Variants in PAMR1 observed in about 807,000 individuals in gnomAD.
The protein encoded by PAMR1 is inactive serine protease PAMR1.
In PAMR1, 88 loss-of-function variants were observed where a neutral mutation model predicts 81.8. That is an observed-to-expected ratio of 1.08 (90% confidence interval 0.91 to 1.28). The LOEUF (loss-of-function observed/expected upper bound fraction) is 1.28. PAMR1 is among the 50% of genes most tolerant of loss of function. The pLI is 0.00. For missense variants in PAMR1, 935 were observed against 919.7 expected (o/e 1.02, Z -0.21); for synonymous variants, 336 against 345.3 (o/e 0.97, Z 0.30).
chr11:35,478,303 C>T (rs971433971), intron 3 of PAMR1, among the ~76,000 whole-genome samples: 3 of 152,196 alleles, frequency 2.0e-5, no homozygotes, highest in Non-Finnish European at 4.4e-5. Context: ...CCCAGATGCC[C>T]GATCCCTGGC....
At chr11:35,516,578 G>T (rs753528523) in intron 1 of PAMR1, among the ~76,000 whole-genome samples, 1 of 152,182 alleles carries the variant, frequency 6.6e-6, no homozygotes. Flanking sequence ...GGGAAAAACC[G>T]TGTTGCATGA....
intron 3 of PAMR1, among the ~76,000 whole-genome samples, chr11:35,488,817 C>A (rs1767450429): frequency 6.6e-6 from 1 of 151,958 alleles, no homozygotes; most frequent in Admixed American, 6.6e-5. Flanking sequence ...AAGTAATCCA[C>A]TGCCTTGGCC....
At chr11:35,445,353 C>T (rs960763993) in intron 6 of PAMR1, among the ~76,000 whole-genome samples, 22 of 151,858 alleles carry the variant, frequency 1.4e-4, no homozygotes, top group Middle Eastern at 3.4e-3. Context: ...GCCTGATTGC[C>T]CTGGCCCGAA....
intron 1 of PAMR1, among the ~76,000 whole-genome samples, chr11:35,508,188 A>G (rs1555043498): frequency 6.6e-6 from 1 of 152,202 alleles, no homozygotes; most frequent in Non-Finnish European, 1.5e-5. Context: ...ATCTCTTGTC[A>G]AAGAACCCAA....
intron 5 of PAMR1, 99 bp from the exon 6 acceptor site, chr11:35,468,207 T>C: frequency 1.5e-6 from 1 of 666,028 alleles, no homozygotes. Context: ...TATTAAAGTC[T>C]TCTTGCAATG....
At chr11:35,446,330 A>G (rs1422159341) in intron 6 of PAMR1, among the ~76,000 whole-genome samples, 1 of 152,072 alleles carries the variant, frequency 6.6e-6, no homozygotes, top group African/African-American at 2.4e-5. Flanking sequence ...TTGTGTCTCT[A>G]TCTCCTTCAG....
intron 1 of PAMR1, among the ~76,000 whole-genome samples, chr11:35,500,535 C>T (rs577931055): frequency 6.6e-6 from 1 of 152,292 alleles, no homozygotes; most frequent in African/African-American, 2.4e-5. Context: ...ACAGGGAAAA[C>T]TTAGAATGCT....
upstream of PAMR1, chr11:35,525,747 C>T (rs544716670): frequency 3.2e-5 from 20 of 634,614 alleles, 1 homozygote; most frequent in South Asian, 3.5e-4. Flanking sequence ...AGGGGAACCA[C>T]CTTCAGCCAG....
intron 3 of PAMR1, among the ~76,000 whole-genome samples, chr11:35,487,518 C>G (rs1590366554): frequency 6.6e-6 from 1 of 152,322 alleles, no homozygotes; most frequent in East Asian, 1.9e-4. Context: ...AGCCAACGTC[C>G]TAACTGACTG....
At chr11:35,439,295 A>G (rs644755) in intron 8 of PAMR1, among the ~76,000 whole-genome samples, 109,136 of 152,126 alleles carry the variant, frequency 0.72, 39,514 homozygotes, top group African/African-American at 0.83. Flanking sequence ...CCTAGAAGCT[A>G]CCATAACAAG....
At chr11:35,511,691 CAG>C (rs905302772) in intron 1 of PAMR1, among the ~76,000 whole-genome samples, 12 of 152,292 alleles carry the variant, frequency 7.9e-5, no homozygotes, top group African/African-American at 2.2e-4. Flanking sequence ...ACATAGGAAA[CAG>C]AGAGAGATAC....
At chr11:35,467,262 A>G (rs191947836) in intron 6 of PAMR1, among the ~76,000 whole-genome samples, 1 of 152,122 alleles carries the variant, frequency 6.6e-6, no homozygotes, top group East Asian at 1.9e-4. Context: ...CCACACCCCT[A>G]TAAGCTTCCC....
At position 35,502,604 on chromosome 11, in the gene PAMR1, G is replaced by A. The variant is rs549552866; in HGVS notation, c.74-8332C>T. Among the ~76,000 whole-genome samples the A allele has an allele frequency of 3.4e-4, 51 of 152,160 alleles. 3 individuals are homozygous for A. In the South Asian group the frequency reaches 8.9e-3, roughly 27 times the overall value. On this transcript the variant is annotated intron_variant, in intron 1 of 10. Coordinates refer to ENST00000619888, the MANE Select transcript of PAMR1 (RefSeq NM_001001991.3). ...AGGACATGATCTCGTTCCTTGTTAT[G>A]GCTGCATACTATTCCATGGTGTATA...
intron 1 of PAMR1, among the ~76,000 whole-genome samples, chr11:35,494,987 TTACGAC>T (rs71822242): frequency 0.1 from 15,248 of 152,246 alleles, 1,028 homozygotes; most frequent in Non-Finnish European, 0.15. Flanking sequence ...AGGCCACTGT[TTACGAC>T]TACATAGGTT....
At chr11:35,505,573 C>T (rs117968914) in intron 1 of PAMR1, among the ~76,000 whole-genome samples, 116 of 152,132 alleles carry the variant, frequency 7.6e-4, no homozygotes, top group Middle Eastern at 3.4e-3. Context: ...TTGTTATATC[C>T]TCTTGCTGAA....
intron 6 of PAMR1, among the ~76,000 whole-genome samples, chr11:35,445,040 T>A (rs1265287730): frequency 2.6e-5 from 4 of 152,204 alleles, no homozygotes; most frequent in African/African-American, 9.6e-5. Context: ...TAGTTCTCCT[T>A]GAAGAGATCT....
At chr11:35,485,563 C>G (rs892759589) in intron 3 of PAMR1, among the ~76,000 whole-genome samples, 1 of 152,188 alleles carries the variant, frequency 6.6e-6, no homozygotes, top group Non-Finnish European at 1.5e-5. Flanking sequence ...GTTTGCCCAT[C>G]CTCCTGGATA....
intron 6 of PAMR1, among the ~76,000 whole-genome samples, chr11:35,452,815 T>C (rs1429145787): frequency 2.0e-5 from 3 of 152,172 alleles, no homozygotes; most frequent in Non-Finnish European, 4.4e-5. Flanking sequence ...CACCACCCCA[T>C]AAAAATCTCT....
At chr11:35,502,865 A>T (rs1301507629) in intron 1 of PAMR1, among the ~76,000 whole-genome samples, 2 of 151,990 alleles carry the variant, frequency 1.3e-5, no homozygotes, top group African/African-American at 4.8e-5. Flanking sequence ...CCAGTTGTCA[A>T]TTTTTGCTTT....
Sources: gnomAD v4.1 joint callset for allele counts (sites outside exome capture counted in the v4.1 genomes callset) on GRCh38, gnomAD v4.1.1 for gene constraint, MANE v1.5 for transcripts, NCBI Gene and HGNC (gene_info 2026-07-23, HGNC 2026-07-21) for gene names.